Variants in NRXN3 observed in about 807,000 individuals in gnomAD.
NRXN3 encodes neurexin III.
NRXN3 carries 32 observed loss-of-function variants against 137.6 expected under a neutral mutation model. The ratio of observed to expected loss-of-function variants is 0.23; its 90% CI spans 0.18 to 0.31. The LOEUF (loss-of-function observed/expected upper bound fraction) is 0.31. NRXN3 is among the 10% of genes least tolerant of loss of function. The pLI, the probability that NRXN3 is intolerant of heterozygous loss-of-function variation, is 1.00. For synonymous variants in NRXN3, 798 were observed against 784.5 expected (o/e 1.02, Z -0.29); for missense variants, 1,574 against 2,062.5 (o/e 0.76, Z 4.59).
At chr14:79,240,640 G>A (rs1243260393) in intron 15 of NRXN3, among the ~76,000 whole-genome samples, 1 of 152,026 alleles carries the variant, frequency 6.6e-6, no homozygotes, top group East Asian at 1.9e-4. Context: ...TGACAACTTT[G>A]TGGCATCTTT....
chr14:78,405,239 G>A (rs2092399679), intron 4 of NRXN3, among the ~76,000 whole-genome samples: 1 of 152,126 alleles, frequency 6.6e-6, no homozygotes, highest in Non-Finnish European at 1.5e-5. Flanking sequence ...GGTAAAACTA[G>A]CAAAGGGCAG....
At chr14:79,117,504 C>A (rs2054645253) in intron 15 of NRXN3, among the ~76,000 whole-genome samples, 1 of 152,070 alleles carries the variant, frequency 6.6e-6, no homozygotes, top group Admixed American at 6.6e-5. Flanking sequence ...CTAGCTGTCC[C>A]TAAAGGATTT....
chr14:78,794,371 C>G (rs2153059527), intron 8 of NRXN3, among the ~76,000 whole-genome samples: 1 of 152,240 alleles, frequency 6.6e-6, no homozygotes, highest in African/African-American at 2.4e-5. Context: ...GACAGAGCGA[C>G]AGAGCAAGAC....
At chr14:78,545,494 G>A (rs1566705802) in intron 4 of NRXN3, among the ~76,000 whole-genome samples, 1 of 151,760 alleles carries the variant, frequency 6.6e-6, no homozygotes, top group Non-Finnish European at 1.5e-5. Flanking sequence ...TATAAATCCT[G>A]GCACATTTTT....
intron 4 of NRXN3, among the ~76,000 whole-genome samples, chr14:78,460,463 C>T (rs2094891145): frequency 6.6e-6 from 1 of 152,110 alleles, no homozygotes; most frequent in Non-Finnish European, 1.5e-5. Context: ...ATTTCATTGG[C>T]ATATAAAAGA....
chr14:79,259,048 C>T (rs1255009573), intron 15 of NRXN3, among the ~76,000 whole-genome samples: 1 of 151,758 alleles, frequency 6.6e-6, no homozygotes, highest in Non-Finnish European at 1.5e-5. Flanking sequence ...TTTTTCTTTT[C>T]TGGAATCTTC....
chr14:79,391,096 C>T (rs1003659755), intron 15 of NRXN3, among the ~76,000 whole-genome samples: 2 of 152,044 alleles, frequency 1.3e-5, no homozygotes, highest in African/African-American at 2.4e-5. Context: ...TATCCAGGCT[C>T]AGATATTCTG....
intron 20 of NRXN3, among the ~76,000 whole-genome samples, chr14:79,849,901 A>G (rs1487215697): frequency 3.9e-5 from 6 of 152,152 alleles, no homozygotes; most frequent in African/African-American, 1.4e-4. Context: ...TGAGGAACAA[A>G]GGTATATGCA....
At chr14:79,278,522 G>T (rs942908789) in intron 15 of NRXN3, among the ~76,000 whole-genome samples, 1 of 152,226 alleles carries the variant, frequency 6.6e-6, no homozygotes, top group Non-Finnish European at 1.5e-5. Flanking sequence ...GCGCCCAGGG[G>T]ACTTCACCCA....
intron 6 of NRXN3, among the ~76,000 whole-genome samples, chr14:78,661,423 TA>T (rs1275427733): frequency 6.6e-6 from 1 of 152,248 alleles, no homozygotes; most frequent in Non-Finnish European, 1.5e-5. Flanking sequence ...ATCAAGCTAT[TA>T]AAATACCAAT....
chr14:78,966,268 G>A lies in NRXN3; in HGVS notation c.2639G>A (p.Ser880Asn). 6.2e-7 allele frequency: 1 copy of A among 1,614,198 alleles called. No homozygotes were observed. Among genetic ancestry groups the A allele is most frequent in the Non-Finnish European group, 8.5e-7 (1 of 1,180,022 alleles). The change falls in exon 12 of 21, where the codon AGC becomes AAC. Residue 880 changes from serine (S) to asparagine (N), a missense_variant. Physicochemically the swap from Ser to Asn is conservative, Grantham distance 46 (BLOSUM62 1). Coordinates refer to ENST00000335750, the MANE Select transcript of NRXN3 (RefSeq NM_001330195.2). ...CCTGTCACCTTTAAGACCAAGAGCA[G>A]CTACCTGAGCCTTGCCACTCTTCAG... ...ADPVTFKTKSSYLSLATLQAY... is the reference protein window; with the variant it reads ...ADPVTFKTKSNYLSLATLQAY...
intron 4 of NRXN3, among the ~76,000 whole-genome samples, chr14:78,421,353 T>G (rs2093437762): frequency 6.6e-6 from 1 of 151,962 alleles, no homozygotes; most frequent in Non-Finnish European, 1.5e-5. Flanking sequence ...CAGCAAAAGT[T>G]AAAAATAAAA....
chr14:79,190,071 A>G (rs991880887), intron 15 of NRXN3, among the ~76,000 whole-genome samples: 1 of 152,174 alleles, frequency 6.6e-6, no homozygotes, highest in East Asian at 1.9e-4. Flanking sequence ...AGAATGTTTC[A>G]TCTACTCATT....
chr14:79,179,595 T>C (rs1374031551), intron 15 of NRXN3, among the ~76,000 whole-genome samples: 3 of 152,186 alleles, frequency 2.0e-5, no homozygotes, highest in Admixed American at 2.0e-4. Context: ...TCTGATGTTA[T>C]AGCAATTCTT....
intron 4 of NRXN3, among the ~76,000 whole-genome samples, chr14:78,363,016 A>G (rs111672459): frequency 5.2e-4 from 79 of 152,312 alleles, no homozygotes; most frequent in African/African-American, 1.8e-3. Context: ...ATAAAGAAGT[A>G]AGATCCTATT....
chr14:79,438,096 A>C (rs970044916), intron 15 of NRXN3, among the ~76,000 whole-genome samples: 2 of 151,404 alleles, frequency 1.3e-5, no homozygotes, highest in South Asian at 2.1e-4. Context: ...GGCTGGAAAA[A>C]CTCGGGTAGG....
At chr14:78,685,341 C>T (rs1440221224) in intron 6 of NRXN3, among the ~76,000 whole-genome samples, 3 of 152,150 alleles carry the variant, frequency 2.0e-5, no homozygotes, top group Non-Finnish European at 4.4e-5. Flanking sequence ...CTACTCAAAA[C>T]CCTCCAGTGG....
At chr14:79,421,423 T>C (rs995831009) in intron 15 of NRXN3, among the ~76,000 whole-genome samples, 1 of 152,222 alleles carries the variant, frequency 6.6e-6, no homozygotes, top group African/African-American at 2.4e-5. Flanking sequence ...ACATTTCCTA[T>C]TTCTTTTATT....
At chr14:79,740,767 T>TATATATATAA (rs2098960421) in intron 19 of NRXN3, among the ~76,000 whole-genome samples, 1 of 110,432 alleles carries the variant, frequency 9.1e-6, no homozygotes, top group Non-Finnish European at 1.8e-5. Context: ...TATATATATA[T>TATATATATAA]AACCTTACTT....
Sources: allele counts gnomAD v4.1 joint callset (sites outside exome capture counted in the v4.1 genomes callset), GRCh38; gene constraint gnomAD v4.1.1; transcripts MANE v1.5; gene names NCBI Gene and HGNC (gene_info 2026-07-23, HGNC 2026-07-21).